DNAH11: variants seen among roughly 807,000 people sequenced by gnomAD.
DNAH11 encodes dynein axonemal heavy chain 11.
In DNAH11, 442 loss-of-function variants were observed where a neutral mutation model predicts 526.0. The observed-to-expected ratio is 0.84, with a 90% confidence interval of 0.78 to 0.91. DNAH11 has a LOEUF of 0.91. DNAH11 is among the 40% of genes least tolerant of loss of function. DNAH11 has a pLI of 0.00. For missense variants in DNAH11, 6,989 were observed against 5,448.7 expected (o/e 1.28, Z -8.90); for synonymous variants, 2,461 against 1,935.9 (o/e 1.27, Z -7.12).
intron 9 of DNAH11, among the ~76,000 whole-genome samples, chr7:21,583,214 G>A (rs985641634): frequency 1.3e-5 from 2 of 152,134 alleles, no homozygotes; most frequent in Non-Finnish European, 2.9e-5. Context: ...AACCAAAACA[G>A]TATAGTACTG....
chr7:21,816,753 G>C, intron 64 of DNAH11, 51 bp downstream of exon 64: 1 of 1,509,308 alleles, frequency 6.6e-7, no homozygotes, highest in Admixed American at 1.8e-5. Context: ...TGTGAAGTGG[G>C]TCTGATTTTT....
At chr7:21,825,211 A>G (rs572185370) in intron 65 of DNAH11, among the ~76,000 whole-genome samples, 1 of 152,194 alleles carries the variant, frequency 6.6e-6, no homozygotes, top group East Asian at 1.9e-4. Context: ...CTATTCCTCA[A>G]TTTATTTAGC....
At chr7:21,754,722 C>T (rs1173524502) in intron 54 of DNAH11, among the ~76,000 whole-genome samples, 6 of 152,146 alleles carry the variant, frequency 3.9e-5, no homozygotes, top group African/African-American at 1.4e-4. Context: ...GATCCCACTT[C>T]TGATCCCCTT....
At chr7:21,806,522 G>A (rs1256991008) in intron 62 of DNAH11, among the ~76,000 whole-genome samples, 1 of 152,170 alleles carries the variant, frequency 6.6e-6, no homozygotes, top group Non-Finnish European at 1.5e-5. Flanking sequence ...CTAATTTCAT[G>A]ACCTCCGACC....
intron 55 of DNAH11, 48 bp downstream of exon 55, chr7:21,765,637 C>CAG (rs1562533346): frequency 2.8e-6 from 4 of 1,449,862 alleles, no homozygotes; most frequent in Non-Finnish European, 2.7e-6. Context: ...CACACACACA[C>CAG]ACACACACAC....
chr7:21,811,416 A>G (rs917817987), intron 63 of DNAH11, among the ~76,000 whole-genome samples: 24 of 151,580 alleles, frequency 1.6e-4, no homozygotes, highest in African/African-American at 5.8e-4. Context: ...AGATCGCGCC[A>G]CTGTACTCCA....
intron 55 of DNAH11, among the ~76,000 whole-genome samples, chr7:21,769,624 A>G (rs1418832194): frequency 6.6e-6 from 1 of 152,098 alleles, no homozygotes; most frequent in East Asian, 1.9e-4. Context: ...AGCTGGGACC[A>G]CAGGTGCACA....
intron 63 of DNAH11, among the ~76,000 whole-genome samples, chr7:21,814,355 T>A (rs1460579354): frequency 6.6e-6 from 1 of 151,370 alleles, no homozygotes; most frequent in Admixed American, 6.6e-5. Context: ...ATTTATTTTT[T>A]TTTTATTTTT....
At chr7:21,744,685 T>C (rs544967352) in intron 50 of DNAH11, 86 bp downstream of exon 50, 176 of 1,538,812 alleles carry the variant, frequency 1.1e-4, no homozygotes, top group Middle Eastern at 1.9e-4. Context: ...ATGAGAGAAG[T>C]GCACAAGGGC....
At chr7:21,702,590 G>A in intron 36 of DNAH11, 120 bp from the exon 37 acceptor site, 4 of 732,168 alleles carry the variant, frequency 5.5e-6, no homozygotes, top group Non-Finnish European at 9.2e-6. Flanking sequence ...ATAGTATTTT[G>A]AATCATTAAA....
rs1261280353 is a variant in DNAH11 at position 21,678,357 on chromosome 7, GA to G, written c.5329-3185del. On this transcript the variant is annotated intron_variant, in intron 30 of 81. Coordinates refer to ENST00000409508, the MANE Select transcript of DNAH11 (RefSeq NM_001277115.2). ...CTTCACTGTTTTTGGTGCCTATGCT[GA>G]AAATCAGTTGAAAAATTTATTTTTT... Among the ~76,000 whole-genome samples the G allele has an allele frequency of 2.6e-5, 4 of 152,028 alleles. No homozygotes were observed. In the South Asian group the frequency reaches 6.2e-4, roughly 24 times the overall value.
intron 28 of DNAH11, among the ~76,000 whole-genome samples, chr7:21,650,304 G>GTAA (rs748974582): frequency 1.6e-4 from 25 of 152,214 alleles, no homozygotes; most frequent in Non-Finnish European, 2.8e-4. Context: ...GATTATGTAA[G>GTAA]TAATTGCATG....
intron 75 of DNAH11, among the ~76,000 whole-genome samples, chr7:21,882,888 CTAGT>C (rs1201580249): frequency 1.3e-5 from 2 of 151,746 alleles, no homozygotes; most frequent in Non-Finnish European, 2.9e-5. Flanking sequence ...GAACAGATCC[CTAGT>C]TAAATAAAAA....
chr7:21,788,647 G>T lies in DNAH11; in HGVS notation c.9925-594G>T, dbSNP rs1788298108. On this transcript the variant is annotated intron_variant, in intron 60 of 81. Transcript: ENST00000409508. ...ATTCAAACAACATGTGCTTAAGGTG[G>T]TTGGGAACTTAGACAAGAAAGTGAC... 2.0e-5 allele frequency among the ~76,000 whole-genome samples: 3 copies of T among 152,162 alleles called. No homozygotes were observed. The South Asian group carries it at 6.2e-4, about 31-fold the overall frequency.
intron 54 of DNAH11, among the ~76,000 whole-genome samples, chr7:21,757,509 C>G (rs1310479028): frequency 6.6e-6 from 1 of 152,102 alleles, no homozygotes; most frequent in Non-Finnish European, 1.5e-5. Flanking sequence ...GAGTGCTATG[C>G]AAGTTTTTAT....
chr7:21,664,974 C>T (rs1782369797), intron 30 of DNAH11, among the ~76,000 whole-genome samples: 1 of 152,054 alleles, frequency 6.6e-6, no homozygotes, highest in Non-Finnish European at 1.5e-5. Context: ...GGCTCTCTGT[C>T]CAAATTCTTT....
chr7:21,811,209 T>C (rs1203568339), intron 63 of DNAH11, among the ~76,000 whole-genome samples: 2 of 152,124 alleles, frequency 1.3e-5, no homozygotes, highest in Admixed American at 6.5e-5. Flanking sequence ...ATGCGTGTAA[T>C]CCCAGCACTT....
intron 42 of DNAH11, among the ~76,000 whole-genome samples, chr7:21,714,233 A>G (rs1784565399): frequency 6.6e-6 from 1 of 152,228 alleles, no homozygotes. Flanking sequence ...TAAGAGAGTT[A>G]AACAACTCTG....
intron 20 of DNAH11, among the ~76,000 whole-genome samples, chr7:21,610,970 G>C (rs1785498454): frequency 6.6e-6 from 1 of 152,214 alleles, no homozygotes; most frequent in South Asian, 2.1e-4. Flanking sequence ...GACTGGTTGT[G>C]ATGGTTAAAT....
Sources: gnomAD v4.1 joint callset for allele counts (sites outside exome capture counted in the v4.1 genomes callset) on GRCh38, gnomAD v4.1.1 for gene constraint, MANE v1.5 for transcripts, NCBI Gene and HGNC (gene_info 2026-07-23, HGNC 2026-07-21) for gene names.